The following SPATA7 variants were observed in gnomAD, a reference collection of about 807,000 sequenced individuals.
The protein encoded by SPATA7 is spermatogenesis-associated protein 7.
Under a neutral mutation model 51.8 loss-of-function variants are expected in SPATA7, and 43 were observed. That is an observed-to-expected ratio of 0.83 (90% confidence interval 0.65 to 1.07). The LOEUF is 1.07. Among genes scored for constraint, SPATA7 ranks in the 50% least tolerant of loss-of-function variants. SPATA7 has a pLI of 0.00. For synonymous variants in SPATA7, 230 were observed against 252.8 expected (o/e 0.91, Z 0.86); for missense variants, 683 against 701.3 (o/e 0.97, Z 0.30).
At chr14:88,392,118 T>C (rs1271067877) in intron 2 of SPATA7, among the ~76,000 whole-genome samples, 3 of 152,188 alleles carry the variant, frequency 2.0e-5, no homozygotes, top group African/African-American at 4.8e-5. Context: ...TACAGTGTAT[T>C]TTTTAAAGTT....
Position 88,444,220 on chromosome 14 carries a change from A to G in SPATA7, c.177+6317A>G, listed in dbSNP as rs1440332039. On this transcript the variant is annotated intron_variant, in intron 3 of 3. Transcript: ENST00000554802. The stretch of plus-strand genomic sequence containing the variant: ...ATCTCATTGTGGTTTTGATTTGCAT[A>G]TCTCTGATGGCCAGTGATGGTGAGC... Among the ~76,000 whole-genome samples the G allele has an allele frequency of 7.3e-5, 11 of 151,438 alleles. No homozygotes were observed. In the East Asian group the frequency reaches 1.2e-3, roughly 16 times the overall value.
At position 88,393,387 on chromosome 14, in the gene SPATA7, T is replaced by G. The variant is rs1311903434; in HGVS notation, c.95-6T>G. On this transcript the variant is annotated splice_region_variant and splice_polypyrimidine_tract_variant and intron_variant, in intron 2 of 11. Coordinates refer to ENST00000393545, the MANE Select transcript of SPATA7 (RefSeq NM_018418.5). ...AAATATATAATGATTATGTTTTAAT[T>G]TTTAGCTTTTTGCACTGACTCCTCT... The G allele has an allele frequency of 2.6e-6, 4 of 1,562,862 alleles. No homozygotes were observed. The South Asian group carries it at 3.5e-5, about 14-fold the overall frequency.
chr14:88,451,596 G>A lies in SPATA7; in HGVS notation c.178-3464G>A, dbSNP rs540094790. On this transcript the variant is annotated intron_variant, in intron 3 of 3. Transcript: ENST00000554802. ...GGCTGGAGTGCAGTGCCACAATCTC[G>A]GCTCACTGCAACCTCTGCCTCCCTA... Among the ~76,000 whole-genome samples the A allele has an allele frequency of 6.0e-5, 9 of 150,282 alleles. No homozygotes were observed. The East Asian group carries it at 1.6e-3, about 26-fold the overall frequency.
At chr14:88,417,236 T>A (rs1300824487) in intron 5 of SPATA7, among the ~76,000 whole-genome samples, 2 of 151,908 alleles carry the variant, frequency 1.3e-5, no homozygotes, top group African/African-American at 4.8e-5. Flanking sequence ...ATTAATTTTA[T>A]GAAATGCTTT....
chr14:88,463,784 T>C (rs1273578528), intron 4 of SPATA7, among the ~76,000 whole-genome samples: 1 of 151,946 alleles, frequency 6.6e-6, no homozygotes, highest in Non-Finnish European at 1.5e-5. Context: ...TCTAAAACTC[T>C]CTCTACCCAA....
chr14:88,456,740 T>C (rs2077286412), downstream of SPATA7, among the ~76,000 whole-genome samples: 5 of 152,294 alleles, frequency 3.3e-5, no homozygotes, highest in South Asian at 1.0e-3. Context: ...TAGATCCCAT[T>C]TGTCAATTTT....
chr14:88,407,287 T>G (rs986732759), intron 4 of SPATA7, among the ~76,000 whole-genome samples: 2 of 152,244 alleles, frequency 1.3e-5, no homozygotes, highest in African/African-American at 4.8e-5. Context: ...TGTTGTTTCC[T>G]GACTTTTTAA....
At chr14:88,390,731 A>C (rs17124609) in intron 1 of SPATA7, among the ~76,000 whole-genome samples, 5,359 of 152,240 alleles carry the variant, frequency 0.035, 309 homozygotes, top group African/African-American at 0.12. Context: ...ACAAGAAAAA[A>C]GTCACAGTTC....
intron 10 of SPATA7, 104 bp downstream of exon 10, chr14:88,433,316 A>G (rs1252050431): frequency 2.6e-6 from 2 of 773,556 alleles, no homozygotes; most frequent in African/African-American, 3.5e-5. Flanking sequence ...CCATATTAGG[A>G]AATGAAAAAA....
chr14:88,402,174 A>G (rs1326449699), intron 4 of SPATA7, among the ~76,000 whole-genome samples: 2 of 152,220 alleles, frequency 1.3e-5, no homozygotes, highest in African/African-American at 2.4e-5. Flanking sequence ...GAAGACATCC[A>G]TATTTATGAA....
chr14:88,412,177 T>C (rs978456903), intron 4 of SPATA7, among the ~76,000 whole-genome samples: 1 of 152,270 alleles, frequency 6.6e-6, no homozygotes, highest in African/African-American at 2.4e-5. Flanking sequence ...TAAGTGTCTA[T>C]GTCCTTTTCT....
intron 4 of SPATA7, among the ~76,000 whole-genome samples, chr14:88,402,824 A>G (rs2076097642): frequency 2.0e-5 from 3 of 152,094 alleles, no homozygotes; most frequent in Admixed American, 2.0e-4. Flanking sequence ...CCAAACTCAA[A>G]AGCTTTTGTA....
At chr14:88,466,409 CTATT>C (rs1425154065) in intron 4 of SPATA7, 1 of 152,134 alleles carries the variant, frequency 6.6e-6, no homozygotes, top group Admixed American at 6.5e-5. Context: ...GGTGCACACA[CTATT>C]TAGGAAGTCC....
At chr14:88,429,032 G>A in intron 7 of SPATA7, 1 of 219,816 alleles carries the variant, frequency 4.5e-6, no homozygotes, top group Non-Finnish European at 9.2e-6. Flanking sequence ...TCTGAATAAT[G>A]AGATTTTGTT....
At chr14:88,427,804 C>A in intron 7 of SPATA7, 108 bp downstream of exon 7, 1 of 839,672 alleles carries the variant, frequency 1.2e-6, no homozygotes, top group Non-Finnish European at 2.0e-6. Context: ...CTGTTGGTGG[C>A]ACTTATCATA....
At position 88,438,309 on chromosome 14, in the gene SPATA7, C is replaced by T. The variant is rs748651087; in HGVS notation, c.1687C>T (p.Pro563Ser). ...SNGLCGLNTS[P>S]SQSVQFSSVK... is the part of the protein sequence containing the mutation. Reference sequence around the variant, plus strand: ...TGGATTATGTGGTCTTAACACATCACCCTCCCAATCTGTTCAGTTCTCCAG... The same window carrying T: ...TGGATTATGTGGTCTTAACACATCATCCTCCCAATCTGTTCAGTTCTCCAG... The change falls in exon 12 of 12, where the codon CCC becomes TCC. Residue 563 changes from proline to serine, a missense_variant. Physicochemically the swap from Pro to Ser is moderately conservative, Grantham distance 74. Transcript: ENST00000393545. 3 of 1,613,800 alleles carry T rather than the reference C, an allele frequency of 1.9e-6. No homozygotes were observed. The Admixed American group carries it at 5.0e-5, about 27-fold the overall frequency.
chr14:88,451,766 C>T (rs555846729), intron 3 of SPATA7, among the ~76,000 whole-genome samples: 1 of 152,308 alleles, frequency 6.6e-6, no homozygotes, highest in South Asian at 2.1e-4. Context: ...CTCAAGTGAT[C>T]CACCTGCTTC....
chr14:88,469,960 G>A lies in SPATA7; in HGVS notation c.*93G>A, dbSNP rs747027317. 16 of 1,613,894 alleles carry A rather than the reference G, an allele frequency of 9.9e-6. No individual in the cohort carries two copies. Among genetic ancestry groups the A allele is most frequent in the Non-Finnish European group, 1.3e-5 (15 of 1,179,992 alleles). On this transcript the variant is annotated 3_prime_UTR_variant, in exon 5 of 5. Transcript: ENST00000556406. This position sits in a 1 kb window ranked among gnomAD's most constrained non-coding sequence, Gnocchi z 4.3. ...ACCATTGCTATAATTGCAATTCCCT[G>A]TTCCCATACCATCTGCCAAAAATCT...
chr14:88,446,719 T>C (rs1018935392), intron 3 of SPATA7, among the ~76,000 whole-genome samples: 6 of 152,214 alleles, frequency 3.9e-5, no homozygotes, highest in African/African-American at 1.2e-4. Flanking sequence ...ACATCTTTAT[T>C]TCTGCCTTCG....
Sources: gnomAD v4.1 joint callset for allele counts (sites outside exome capture counted in the v4.1 genomes callset) on GRCh38, gnomAD v4.1.1 for gene constraint, Gnocchi (gnomAD v3.1) non-coding constraint, MANE v1.5 for transcripts, NCBI Gene and HGNC (gene_info 2026-07-23, HGNC 2026-07-21) for gene names.